The following KIF14 variants were observed in gnomAD, a reference collection of about 807,000 sequenced individuals.
KIF14 encodes the protein kinesin-like protein KIF14.
In KIF14, 98 loss-of-function variants were observed where a neutral mutation model predicts 176.2. The ratio of observed to expected loss-of-function variants is 0.56; its 90% CI spans 0.47 to 0.66. The LOEUF is 0.66. KIF14 is among the 30% of genes least tolerant of loss of function. KIF14 has a pLI of 0.00. For synonymous variants in KIF14, 566 were observed against 632.2 expected (o/e 0.90, Z 1.57); for missense variants, 1,751 against 1,920.4 (o/e 0.91, Z 1.65).
intron 26 of KIF14, among the ~76,000 whole-genome samples, chr1:200,559,706 T>TGTTTATCA (rs930705769): frequency 6.6e-6 from 1 of 152,120 alleles, no homozygotes; most frequent in Non-Finnish European, 1.5e-5. Flanking sequence ...TTGCAAAGAA[T>TGTTTATCA]GTTTATCATC....
intron 18 of KIF14, 30 bp downstream of exon 18, chr1:200,589,187 T>C (rs768826125): frequency 6.4e-7 from 1 of 1,554,232 alleles, no homozygotes; most frequent in Non-Finnish European, 8.7e-7. Flanking sequence ...TTTCTCAGAA[T>C]AGAGTTAACT....
Position 200,563,988 on chromosome 1 carries a change from G to A in KIF14, c.4071+1081C>T, listed in dbSNP as rs562495831. On this transcript the variant is annotated intron_variant, in intron 25 of 29. Coordinates refer to ENST00000367350, the MANE Select transcript of KIF14 (RefSeq NM_014875.3). ...AAAAGAAGGCAAACTTCAGCCGGGC[G>A]CAGTGGCTCATGCCTGTAATCCCAG... Among the ~76,000 whole-genome samples the A allele has an allele frequency of 5.9e-5, 9 of 152,198 alleles. No homozygotes were observed. In the East Asian group the frequency reaches 9.7e-4, roughly 16 times the overall value.
In KIF14 at chr1:200,603,258, A is replaced by C. The variant is rs1422062290; in HGVS notation, c.1947T>G (p.Val649=). The change falls in exon 10 of 30, where the codon GTT becomes GTG. Residue 649 remains valine, a synonymous_variant. Coordinates refer to ENST00000367350, the MANE Select transcript of KIF14 (RefSeq NM_014875.3). ...GAACAGATTCACGATAAGGAATAAA[A>C]ACACTCCTTTGGTTTGCTTGTTCCG... The part of the protein sequence containing the change: ...ALSEQANQRS[V]FIPYRESVLT... 1.2e-6 allele frequency: 2 copies of C among 1,607,798 alleles called. No homozygotes were observed. The highest frequency in any genetic ancestry group is 1.7e-6 in the Non-Finnish European group (2 of 1,175,392).
At chr1:200,602,413 C>T (rs905939026) in intron 10 of KIF14, among the ~76,000 whole-genome samples, 3 of 152,084 alleles carry the variant, frequency 2.0e-5, no homozygotes, top group African/African-American at 7.2e-5. Context: ...GAAGCAGGTG[C>T]TCAATAAATG....
chr1:200,599,381 G>A (rs114315766), intron 13 of KIF14, among the ~76,000 whole-genome samples: 4,359 of 152,164 alleles, frequency 0.029, 212 homozygotes, highest in African/African-American at 0.098. Flanking sequence ...TTTACTTTCA[G>A]AGAATTTTCT....
chr1:200,608,265 C>A (rs879503620), intron 5 of KIF14, among the ~76,000 whole-genome samples: 10 of 151,846 alleles, frequency 6.6e-5, no homozygotes, highest in Non-Finnish European at 1.3e-4. Context: ...AATCTCAGAA[C>A]AAATATTTTA....
chr1:200,553,254 T>A lies in KIF14; in HGVS notation c.*134A>T. 1.0e-6 allele frequency: 1 copy of A among 955,196 alleles called. No homozygotes were observed. The allele number at this position is 955,196 out of a possible 1,614,324, so 59.2% of individuals were successfully genotyped here. On this transcript the variant is annotated 3_prime_UTR_variant, in exon 30 of 30. Coordinates refer to ENST00000367350, the MANE Select transcript of KIF14 (RefSeq NM_014875.3). ...TCTGGCCTTTGATAAATAGATATTT[T>A]AAAGATAAAAAGACATGGACTTTTT...
Position 200,561,010 on chromosome 1 carries a change from C to T in KIF14, c.4072-130G>A, listed in dbSNP as rs888135248. 10 of 723,552 alleles carry T rather than the reference C, an allele frequency of 1.4e-5. No homozygotes were observed. The African/African-American group carries it at 1.4e-4, about 10-fold the overall frequency. 44.8% of individuals were successfully genotyped at this position (723,552 alleles called of 1,614,324 possible). On this transcript the variant is annotated intron_variant, in intron 25 of 29. Transcript: ENST00000367350. The stretch of plus-strand genomic sequence containing the variant: ...GTTTGGGAGGCCGAGGCGGGTGGAT[C>T]GCCTGAGGTCAGGAGTTCAAGATCA...
rs2808236 is a variant in KIF14 at position 200,582,254 on chromosome 1, G to A, written c.3242-960C>T. On this transcript the variant is annotated intron_variant, in intron 19 of 29. Transcript: ENST00000367350. ...CCAAGCAAGGAAGCATGCACCTGTA[G>A]TCCTAGCTACTGGAGAGCCTGAGAC... Among the ~76,000 whole-genome samples the A allele has an allele frequency of 5.5e-3, 840 of 152,174 alleles. 4 individuals carry two copies. The highest frequency in any genetic ancestry group is 9.9e-3 in the Admixed American group (152 of 15,280).
At chr1:200,617,127 C>T (rs1214867868) in intron 2 of KIF14, among the ~76,000 whole-genome samples, 2 of 152,128 alleles carry the variant, frequency 1.3e-5, no homozygotes, top group Non-Finnish European at 2.9e-5. Context: ...AACACCATGC[C>T]CAGCTAATTT....
In KIF14 at chr1:200,581,173, T is replaced by C. The variant is rs200787013; in HGVS notation, c.3335+28A>G. ...TATAAAGGCCAACTTGTTTAAAACA[T>C]TTAAAATCAGGATAATTAATTACTC... On this transcript the variant is annotated intron_variant, in intron 20 of 29. Coordinates refer to ENST00000367350, the MANE Select transcript of KIF14 (RefSeq NM_014875.3). The C allele has an allele frequency of 5.6e-5, 70 of 1,256,182 alleles. No homozygotes were observed. In the East Asian group the frequency reaches 1.7e-3, roughly 30 times the overall value. 77.8% of individuals were successfully genotyped at this position (1,256,182 alleles called of 1,614,324 possible). A position where few individuals can be genotyped will look rare whatever the true frequency, so the allele number is the denominator to read the frequency against.
chr1:200,587,174 T>G (rs1168272651), intron 18 of KIF14, among the ~76,000 whole-genome samples: 1 of 151,928 alleles, frequency 6.6e-6, no homozygotes, highest in Non-Finnish European at 1.5e-5. Flanking sequence ...CCTGGTACAA[T>G]GGACATTGAA....
intron 4 of KIF14, among the ~76,000 whole-genome samples, chr1:200,611,530 C>A (rs368228657): frequency 1.3e-5 from 2 of 152,100 alleles, no homozygotes; most frequent in Admixed American, 6.6e-5. Flanking sequence ...TCAATAAACA[C>A]GTAATAATGC....
In KIF14 at chr1:200,598,441, G is replaced by T. The variant is rs780272285; in HGVS notation, c.2365-20C>A. The T allele has an allele frequency of 3.8e-6, 6 of 1,583,046 alleles. No homozygotes were observed. In the South Asian group the frequency reaches 4.6e-5, roughly 12 times the overall value. On this transcript the variant is annotated intron_variant, in intron 13 of 29. Transcript: ENST00000367350. ...TGCTTTCTGGTAGAAGTCAGAAAAAGAAATTAATCTTAATCACAGTATGAA... is the reference window on the plus strand; with the variant it reads ...TGCTTTCTGGTAGAAGTCAGAAAAATAAATTAATCTTAATCACAGTATGAA...
At chr1:200,616,824 TAG>T (rs1270120472) in intron 2 of KIF14, among the ~76,000 whole-genome samples, 6 of 152,238 alleles carry the variant, frequency 3.9e-5, no homozygotes, top group Non-Finnish European at 8.8e-5. Flanking sequence ...CAACCACTTT[TAG>T]AGAGAGATTT....
chr1:200,595,792 CA>C (rs1458725010), intron 14 of KIF14, among the ~76,000 whole-genome samples: 1 of 150,564 alleles, frequency 6.6e-6, no homozygotes, highest in Non-Finnish European at 1.5e-5. Flanking sequence ...ACTAAAAATA[CA>C]AAAAACTAGC....
chr1:200,597,741 C>T (rs1281041151), intron 14 of KIF14, among the ~76,000 whole-genome samples: 1 of 152,154 alleles, frequency 6.6e-6, no homozygotes, highest in Non-Finnish European at 1.5e-5. Flanking sequence ...TAAACTCATA[C>T]AATGGAATAC....
chr1:200,615,493 A>G lies in KIF14; in HGVS notation c.1229T>C (p.Phe410Ser), dbSNP rs372979959. The change falls in exon 3 of 30, where the codon TTT becomes TCT. Residue 410 changes from phenylalanine to serine, a missense_variant. Physicochemically the swap from Phe to Ser is radical, Grantham distance 155. Coordinates refer to ENST00000367350, the MANE Select transcript of KIF14 (RefSeq NM_014875.3). ...NFIYDVSFWSFDECHPHYASQ... is the reference protein window; with the variant it reads ...NFIYDVSFWSSDECHPHYASQ... ...AGCGTAGTGAGGATGACATTCATCA[A>G]AAGACCAGAATGAAACATCATAAAT... is the stretch of plus-strand genomic sequence containing the variant. 16 of 1,614,050 alleles carry G rather than the reference A, an allele frequency of 9.9e-6. No homozygotes were observed. The African/African-American group carries it at 1.9e-4, about 19-fold the overall frequency.
At position 200,590,079 on chromosome 1, in the gene KIF14, G is replaced by A. The variant is rs752939433; in HGVS notation, c.2961+46C>T. On this transcript the variant is annotated intron_variant, in intron 17 of 29. Transcript: ENST00000367350. ...AACTTTATAGGCAACACATCACTTGGGGTACACTGTCGGAAAAAAAAAATA... is the reference window on the plus strand; with the variant it reads ...AACTTTATAGGCAACACATCACTTGAGGTACACTGTCGGAAAAAAAAAATA... 32 of 1,562,454 alleles carry A rather than the reference G, an allele frequency of 2.0e-5. 1 individual carries two copies. The highest frequency in any genetic ancestry group is 3.5e-4 in the Middle Eastern group (2 of 5,766).
Sources: gnomAD v4.1 joint callset for allele counts (sites outside exome capture counted in the v4.1 genomes callset) on GRCh38, gnomAD v4.1.1 for gene constraint, MANE v1.5 for transcripts, NCBI Gene and HGNC (gene_info 2026-07-23, HGNC 2026-07-21) for gene names.